The following ARHGEF26 variants were observed in gnomAD, a reference collection of about 807,000 sequenced individuals.
The protein encoded by ARHGEF26 is Rho guanine nucleotide exchange factor (GEF) 26.
A neutral mutation model predicts 89.4 loss-of-function variants in ARHGEF26; 59 were observed. That is an observed-to-expected ratio of 0.66 (90% confidence interval 0.54 to 0.82). ARHGEF26 has a LOEUF of 0.82. ARHGEF26 is among the 40% of genes least tolerant of loss of function. The pLI is 0.00. For missense variants in ARHGEF26, 1,234 were observed against 1,085.6 expected, an observed-to-expected ratio of 1.14 and a Z score of -1.92; for synonymous variants, 500 against 428.4, an observed-to-expected ratio of 1.17 and a Z score of -2.06.
chr3:154,124,372 C>CTTTTTTGTTTTTTTTTTTT, intron 2 of ARHGEF26, 38 bp from the exon 3 acceptor site: 2 of 1,007,768 alleles, frequency 2.0e-6, no homozygotes, highest in Non-Finnish European at 2.7e-6. Flanking sequence ...TTTGCTTTTC[C>CTTTTTTGTTTTTTTTTTTT]TTTTTTTTTT....
At chr3:154,164,421 A>T (rs1268077615) in intron 6 of ARHGEF26, among the ~76,000 whole-genome samples, 3 of 141,298 alleles carry the variant, frequency 2.1e-5, no homozygotes, top group Non-Finnish European at 4.6e-5. Flanking sequence ...GGAACATATG[A>T]TGAATGGTAT....
chr3:154,256,122 T>TCTCA lies in ARHGEF26; in HGVS notation c.*651_*654dup, dbSNP rs1390440070. 1.0e-6 allele frequency: 1 copy of TCTCA among 985,246 alleles called. No homozygotes were observed. Among genetic ancestry groups the TCTCA allele is most frequent in the African/African-American group, 1.7e-5 (1 of 57,196 alleles). The allele number at this position is 985,246 out of a possible 1,614,324, so 61.0% of individuals were successfully genotyped here. A position where few individuals can be genotyped will look rare whatever the true frequency, so the allele number is the denominator to read the frequency against. On this transcript the variant is annotated 3_prime_UTR_variant, in exon 15 of 15. Transcript: ENST00000465093. ...TTTAGGATTTTTAAAAAAAAATCCATCTCACCCCATATTGTTCTTAAATAA... is the reference window on the plus strand; with the variant it reads ...TTTAGGATTTTTAAAAAAAAATCCATCTCACTCACCCCATATTGTTCTTAAATAA...
At chr3:154,249,002 C>T (rs927554660) in intron 12 of ARHGEF26, among the ~76,000 whole-genome samples, 1 of 151,864 alleles carries the variant, frequency 6.6e-6, no homozygotes, top group Non-Finnish European at 1.5e-5. Context: ...TACAAAGGTT[C>T]GAAGGACTTT....
chr3:154,153,016 C>T (rs1018872304), intron 6 of ARHGEF26, 84 bp downstream of exon 6: 9 of 1,225,334 alleles, frequency 7.3e-6, no homozygotes, highest in Non-Finnish European at 9.7e-6. Context: ...GAAGGCATTT[C>T]TGGTTATCAA....
At chr3:154,234,624 T>G (rs1717000187) in intron 11 of ARHGEF26, among the ~76,000 whole-genome samples, 1 of 152,194 alleles carries the variant, frequency 6.6e-6, no homozygotes, top group African/African-American at 2.4e-5. Context: ...ATTTGAAATG[T>G]CACCTCTATA....
chr3:154,227,701 G>C (rs1431360549), intron 11 of ARHGEF26, among the ~76,000 whole-genome samples: 2 of 152,124 alleles, frequency 1.3e-5, no homozygotes, highest in Non-Finnish European at 2.9e-5. Context: ...TTTTAGGGGA[G>C]AGTAGTTATA....
chr3:154,241,431 AC>A (rs549049735), intron 12 of ARHGEF26, among the ~76,000 whole-genome samples: 2 of 152,190 alleles, frequency 1.3e-5, no homozygotes, highest in Non-Finnish European at 2.9e-5. Flanking sequence ...ATGAATAACA[AC>A]CCTAAAATTG....
intron 6 of ARHGEF26, among the ~76,000 whole-genome samples, chr3:154,170,850 T>C (rs1000621018): frequency 6.6e-6 from 1 of 152,258 alleles, no homozygotes; most frequent in Non-Finnish European, 1.5e-5. Context: ...ATTTGGAGGA[T>C]AAATTGTATG....
At position 154,122,406 on chromosome 3, in the gene ARHGEF26, G is replaced by A. The variant is rs1718013331; in HGVS notation, c.414G>A (p.Pro138=). The A allele has an allele frequency of 6.2e-7, 1 of 1,608,646 alleles. No homozygotes were observed. The highest frequency in any genetic ancestry group is 8.5e-7 in the Non-Finnish European group (1 of 1,178,226). ...PANGAVTLPA[P]PPPPVLRPPR... is the part of the protein sequence containing the mutation. ...ATGGCGCGGTGACCTTGCCTGCGCC[G>A]CCGCCGCCGCCGGTTCTGCGCCCCC... The change falls in exon 2 of 15, where the codon CCG becomes CCA. Residue 138 remains proline (P), a synonymous_variant. Coordinates refer to ENST00000465093, the MANE Select transcript of ARHGEF26 (RefSeq NM_015595.4).
At chr3:154,156,419 C>T (rs1720344421) in intron 6 of ARHGEF26, among the ~76,000 whole-genome samples, 1 of 151,970 alleles carries the variant, frequency 6.6e-6, no homozygotes, top group Non-Finnish European at 1.5e-5. Context: ...TTTTCATCCT[C>T]CATTAAAAGA....
chr3:154,206,407 G>A (rs1715023960), intron 9 of ARHGEF26, among the ~76,000 whole-genome samples: 1 of 152,150 alleles, frequency 6.6e-6, no homozygotes, highest in African/African-American at 2.4e-5. Flanking sequence ...TAAACAACTT[G>A]AGCAAAGTCT....
chr3:154,225,716 TCA>T, intron 10 of ARHGEF26, 138 bp from the exon 11 acceptor site: 1 of 784,374 alleles, frequency 1.3e-6, no homozygotes, highest in East Asian at 3.0e-5. Flanking sequence ...TATTTATAGT[TCA>T]GTTTTATATG....
At chr3:154,239,293 AGAGAGAGTGTGTGT>A (rs1559920572) in intron 11 of ARHGEF26, among the ~76,000 whole-genome samples, 29 of 58,954 alleles carry the variant, frequency 4.9e-4, no homozygotes, top group African/African-American at 1.7e-3. Context: ...AGAGAGAGAG[AGAGAGAGTGTGTGT>A]GTGTGTGTGT....
intron 11 of ARHGEF26, among the ~76,000 whole-genome samples, chr3:154,238,248 A>G (rs1717249181): frequency 6.6e-6 from 1 of 152,206 alleles, no homozygotes; most frequent in Admixed American, 6.5e-5. Flanking sequence ...GATGTGAGAA[A>G]TATTTGACAT....
At chr3:154,167,880 T>C (rs1226109394) in intron 6 of ARHGEF26, among the ~76,000 whole-genome samples, 2 of 152,196 alleles carry the variant, frequency 1.3e-5, no homozygotes, top group East Asian at 3.8e-4. Context: ...GGTAACAGTT[T>C]TATGAAAATT....
intron 4 of ARHGEF26, among the ~76,000 whole-genome samples, chr3:154,131,482 T>C (rs1371108482): frequency 6.6e-6 from 1 of 152,260 alleles, no homozygotes; most frequent in African/African-American, 2.4e-5. Flanking sequence ...AGCAGCCTTA[T>C]ACCCTAATCT....
At chr3:154,229,181 T>G (rs571984308) in intron 11 of ARHGEF26, among the ~76,000 whole-genome samples, 3 of 152,146 alleles carry the variant, frequency 2.0e-5, no homozygotes, top group Non-Finnish European at 4.4e-5. Flanking sequence ...TTTAGAACAT[T>G]AAAAACAAGC....
Position 154,187,731 on chromosome 3 carries a change from G to T in ARHGEF26, c.1534G>T (p.Asp512Tyr), listed in dbSNP as rs1192765759. 2 of 1,610,898 alleles carry T rather than the reference G, an allele frequency of 1.2e-6. No homozygotes were observed. Among genetic ancestry groups the T allele is most frequent in the African/African-American group, 1.3e-5 (1 of 74,818 alleles). Residue 512 changes from aspartate (D) to tyrosine (Y), a missense_variant, in exon 7 of 15, where the codon GAT becomes TAT. Transcript: ENST00000465093. Reference sequence around the variant, plus strand: ...AAGACATCAGAATAATATCTTCATAGATGACATAAGTGACATTGTGGAAAA... The same window carrying T: ...AAGACATCAGAATAATATCTTCATATATGACATAAGTGACATTGTGGAAAA... ...EARHQNNIFI[D>Y]DISDIVEKHT...
At chr3:154,168,071 T>C (rs1445494397) in intron 6 of ARHGEF26, among the ~76,000 whole-genome samples, 1 of 152,220 alleles carries the variant, frequency 6.6e-6, no homozygotes, top group Non-Finnish European at 1.5e-5. Context: ...ATTTTACTCT[T>C]TCACTTTGTT....
Sources: gnomAD v4.1 joint callset for allele counts (sites outside exome capture counted in the v4.1 genomes callset) on GRCh38, gnomAD v4.1.1 for gene constraint, MANE v1.5 for transcripts, NCBI Gene and HGNC (gene_info 2026-07-23, HGNC 2026-07-21) for gene names.